The following SLC5A10 variants were observed in gnomAD, a reference collection of about 807,000 sequenced individuals.
SLC5A10 encodes the protein solute carrier family 5 member 10.
SLC5A10 carries 55 observed loss-of-function variants against 68.9 expected under a neutral mutation model. The observed-to-expected ratio is 0.80, with a 90% confidence interval of 0.64 to 1.00. SLC5A10 has a LOEUF of 1.00. Among genes scored for constraint, SLC5A10 ranks in the 50% least tolerant of loss-of-function variants. SLC5A10 has a pLI of 0.00. For missense variants in SLC5A10, 732 were observed against 819.3 expected (o/e 0.89, Z 1.30); for synonymous variants, 344 against 344.8 (o/e 1.00, Z 0.02).
Position 18,952,318 on chromosome 17 carries a change from T to C in SLC5A10, c.111+2T>C. 1 of 1,610,610 alleles carries C rather than the reference T, an allele frequency of 6.2e-7. No individual in the cohort carries two copies. The highest frequency in any genetic ancestry group is 1.1e-5 in the South Asian group (1 of 90,442). ...CTGAATGTGGCCGTGGGCATATGGGTAAGGGGACCTGTGGTGGTGTTGGCC... is the reference window on the plus strand; with the variant it reads ...CTGAATGTGGCCGTGGGCATATGGGCAAGGGGACCTGTGGTGGTGTTGGCC... On this transcript the variant is annotated splice_donor_variant, in intron 1 of 14. Transcript: ENST00000395645. LOFTEE classifies it high-confidence loss of function.
intron 9 of SLC5A10, among the ~76,000 whole-genome samples, chr17:19,011,824 G>T (rs2044021389): frequency 6.6e-6 from 1 of 151,700 alleles, no homozygotes; most frequent in Non-Finnish European, 1.5e-5. Flanking sequence ...CCAGGGTAGG[G>T]GACACTGCCC....
intron 1 of SLC5A10, among the ~76,000 whole-genome samples, chr17:18,953,299 A>G (rs1352817605): frequency 6.6e-6 from 1 of 151,742 alleles, no homozygotes; most frequent in Non-Finnish European, 1.5e-5. Context: ...CACCCAGGTA[A>G]TGTTTTGTAT....
chr17:18,981,256 A>G (rs1400244677), intron 9 of SLC5A10, among the ~76,000 whole-genome samples: 1 of 152,028 alleles, frequency 6.6e-6, no homozygotes, highest in African/African-American at 2.4e-5. Context: ...GAGGTGGGGA[A>G]GCATTCCAGG....
intron 9 of SLC5A10, among the ~76,000 whole-genome samples, chr17:19,011,826 A>G (rs1454969779): frequency 1.3e-5 from 2 of 151,168 alleles, no homozygotes; most frequent in East Asian, 2.0e-4. Flanking sequence ...AGGGTAGGGG[A>G]CACTGCCCCA....
At chr17:18,977,789 G>A (rs1225806911) in intron 9 of SLC5A10, 1 of 1,602,976 alleles carries the variant, frequency 6.2e-7, no homozygotes, top group Non-Finnish European at 8.5e-7. Flanking sequence ...GAGAGGGACT[G>A]AGTGCTCTCT....
chr17:18,960,412 G>A (rs574198326), intron 4 of SLC5A10, 136 bp from the exon 5 acceptor site: 4 of 779,938 alleles, frequency 5.1e-6, no homozygotes, highest in Admixed American at 2.0e-5. Flanking sequence ...TAAGGGGTCA[G>A]TGCCTGGGCC....
intron 9 of SLC5A10, chr17:18,988,396 C>T (rs2043322729): frequency 6.2e-7 from 1 of 1,614,136 alleles, no homozygotes; most frequent in Non-Finnish European, 8.5e-7. Context: ...GTGAACATGT[C>T]CATGACCACA....
intron 1 of SLC5A10, among the ~76,000 whole-genome samples, chr17:18,953,128 CTTTTT>C (rs34638037): frequency 0.043 from 5,434 of 125,204 alleles, 364 homozygotes; most frequent in African/African-American, 0.15. Flanking sequence ...AGTACCCCTT[CTTTTT>C]TTTTTTTTTT....
In SLC5A10 at chr17:19,015,546, G is replaced by A. The variant is rs541073874; in HGVS notation, c.1241+347G>A. ...CCCAGCTGCGCCACAGAGGGCCCCC[G>A]GGCCAGCACTCAGGACTGGCCACAC... On this transcript the variant is annotated intron_variant, in intron 11 of 14. Transcript: ENST00000395645. 2.6e-5 allele frequency among the ~76,000 whole-genome samples: 4 copies of A among 152,296 alleles called. No individual in the cohort carries two copies. The East Asian group carries it at 5.8e-4, about 22-fold the overall frequency.
rs1198927482 is a variant in SLC5A10 at position 19,020,065 on chromosome 17, A to G, written c.1627-90A>G. ...CCGTCCCTTTTTGAACTCAGCTGCCATCTTGCCATCCCCAACCTTTGATCC... is the reference window on the plus strand; with the variant it reads ...CCGTCCCTTTTTGAACTCAGCTGCCGTCTTGCCATCCCCAACCTTTGATCC... On this transcript the variant is annotated intron_variant, in intron 13 of 14. Transcript: ENST00000395645. 3 of 1,458,060 alleles carry G rather than the reference A, an allele frequency of 2.1e-6. No homozygotes were observed. The African/African-American group carries it at 4.2e-5, about 20-fold the overall frequency. The allele number at this position is 1,458,060 out of a possible 1,614,324, so 90.3% of individuals were successfully genotyped here.
At chr17:18,977,805 C>G (rs752034805) in intron 9 of SLC5A10, 1 of 1,603,612 alleles carries the variant, frequency 6.2e-7, no homozygotes, top group Non-Finnish European at 8.5e-7. Context: ...TCTCTCACCT[C>G]GAAGTACTCC....
Position 19,019,903 on chromosome 17 carries a change from T to G in SLC5A10, c.1601T>G (p.Leu534Arg), listed in dbSNP as rs1365286095. ...GCTGTTGTGGTGGCTGGAAGCCTGC[T>G]GACCCCACCCCCACAGAGTGTCCAG... Reference protein sequence around the residue: ...SGAVVVAGSLLTPPPQSVQIE... With the variant: ...SGAVVVAGSLRTPPPQSVQIE... Residue 534 changes from leucine (L) to arginine (R), a missense_variant, in exon 13 of 15, where the codon CTG (leucine) becomes CGG (arginine). By Grantham distance (102) the Leu-to-Arg change is moderately radical. Transcript: ENST00000395645. The G allele has an allele frequency of 1.2e-6, 2 of 1,609,688 alleles. No individual in the cohort carries two copies. Among genetic ancestry groups the G allele is most frequent in the Non-Finnish European group, 1.7e-6 (2 of 1,178,774 alleles).
chr17:18,988,385 G>A (rs371835857), intron 9 of SLC5A10: 37 of 1,614,134 alleles, frequency 2.3e-5, no homozygotes, highest in Non-Finnish European at 3.0e-5. Context: ...TGTCCACGTC[G>A]GTGAACATGT....
intron 9 of SLC5A10, among the ~76,000 whole-genome samples, chr17:18,990,664 T>C (rs762454762): frequency 2.0e-5 from 3 of 152,182 alleles, no homozygotes; most frequent in Non-Finnish European, 2.9e-5. Flanking sequence ...GTTGGATATG[T>C]TGGAGCCTGC....
rs1382623752 is a variant in SLC5A10, at chr17:19,004,250, C to T, written c.983-9160C>T. The T allele has an allele frequency of 3.8e-6, 2 of 530,682 alleles. No homozygotes were observed. The highest frequency in any genetic ancestry group is 6.6e-6 in the Non-Finnish European group (2 of 303,476). The allele number at this position is 530,682 out of a possible 1,614,324, so 32.9% of individuals were successfully genotyped here. A position where few individuals can be genotyped will look rare whatever the true frequency, so the allele number is the denominator to read the frequency against. ...GGGGCGGCGGGGGCGGGGCCGGGAA[C>T]TCAGGTGGGCGTGGGAAGGACGGGG... On this transcript the variant is annotated intron_variant, in intron 9 of 14. Transcript: ENST00000395645. This position sits in a 1 kb window ranked among gnomAD's most constrained non-coding sequence, Gnocchi z 5.4.
intron 9 of SLC5A10, among the ~76,000 whole-genome samples, chr17:18,982,642 G>T (rs1013731577): frequency 6.6e-6 from 1 of 152,166 alleles, no homozygotes; most frequent in African/African-American, 2.4e-5. Context: ...AGGCAAGGTG[G>T]GGGCTCCAGG....
At chr17:18,958,586 G>C (rs1241212458) in intron 1 of SLC5A10, 96 bp from the exon 2 acceptor site, 2 of 1,004,216 alleles carry the variant, frequency 2.0e-6, no homozygotes, top group African/African-American at 3.1e-5. Context: ...GTGATTCTAT[G>C]CGTAACCTTT....
At chr17:18,964,899 T>C (rs2042679621) in intron 5 of SLC5A10, among the ~76,000 whole-genome samples, 1 of 151,982 alleles carries the variant, frequency 6.6e-6, no homozygotes, top group Non-Finnish European at 1.5e-5. Flanking sequence ...TCCCAGCAAT[T>C]TGGGAGGCCG....
rs984880598 is a variant in SLC5A10, at chr17:18,968,570, G to C, written c.454-482G>C. 1.3e-5 allele frequency among the ~76,000 whole-genome samples: 2 copies of C among 152,284 alleles called. No individual in the cohort carries two copies. The highest frequency in any genetic ancestry group is 2.9e-5 in the Non-Finnish European group (2 of 68,006). The stretch of plus-strand genomic sequence containing the variant: ...ATTGGCTTCAGTTCCAAACCCACTG[G>C]GGGGTGGGGGCAGGAAGCAAGGCTG... On this transcript the variant is annotated intron_variant, in intron 5 of 14. Transcript: ENST00000395645. This position sits in a 1 kb window ranked among gnomAD's most constrained non-coding sequence, Gnocchi z 4.1.
Sources: gnomAD v4.1 joint callset for allele counts (sites outside exome capture counted in the v4.1 genomes callset) on GRCh38, gnomAD v4.1.1 for gene constraint, Gnocchi (gnomAD v3.1) non-coding constraint, MANE v1.5 for transcripts, NCBI Gene and HGNC (gene_info 2026-07-23, HGNC 2026-07-21) for gene names.